Variants in ABL2 observed in about 807,000 individuals in gnomAD.
The protein encoded by ABL2 is tyrosine-protein kinase ABL2.
ABL2 carries 49 observed loss-of-function variants against 107.7 expected under a neutral mutation model. The observed-to-expected ratio is 0.45, with a 90% CI of 0.36 to 0.58. ABL2 has a LOEUF of 0.58. ABL2 is among the 20% of genes least tolerant of loss of function. The pLI, the probability that ABL2 is intolerant of heterozygous loss-of-function variation, is 0.00. For missense variants in ABL2, 1,245 were observed against 1,457.0 expected, an observed-to-expected ratio of 0.85 and a Z score of 2.37; for synonymous variants, 549 against 548.6, an observed-to-expected ratio of 1.00 and a Z score of -0.01.
intron 1 of ABL2, among the ~76,000 whole-genome samples, chr1:179,158,782 T>C (rs1658865975): frequency 1.3e-5 from 2 of 152,246 alleles, no homozygotes; most frequent in African/African-American, 4.8e-5. Context: ...AAGATTATTT[T>C]ACTATACCAA....
At position 179,149,821 on chromosome 1, in the gene ABL2, T is replaced by C. The variant is rs192213766; in HGVS notation, c.158-16447A>G. On this transcript the variant is annotated intron_variant, in intron 1 of 11. Transcript: ENST00000502732. ...TTCCTTTCCAAATATTACTGCTCAT[T>C]GATAATGCACTTGGTCACTTGGTAC... Among the ~76,000 whole-genome samples the C allele has an allele frequency of 3.0e-3, 461 of 152,344 alleles. 2 individuals are homozygous for C. The highest frequency in any genetic ancestry group is 2.4e-3 in the Non-Finnish European group (163 of 68,030).
At chr1:179,166,603 C>T (rs986586850) in intron 1 of ABL2, among the ~76,000 whole-genome samples, 1 of 151,602 alleles carries the variant, frequency 6.6e-6, no homozygotes, top group Non-Finnish European at 1.5e-5. Context: ...ATGGTGAAAC[C>T]CCGTCTCTAC....
At chr1:179,143,035 C>T (rs759052332) in intron 1 of ABL2, 1 of 1,614,114 alleles carries the variant, frequency 6.2e-7, no homozygotes, top group Non-Finnish European at 8.5e-7. Context: ...AGAACTGTCC[C>T]AAGGACCATA....
intron 1 of ABL2, among the ~76,000 whole-genome samples, chr1:179,189,173 T>G (rs375537374): frequency 6.6e-6 from 1 of 152,354 alleles, no homozygotes; most frequent in African/African-American, 2.4e-5. Context: ...TTCACTCTTG[T>G]TGCCCAGGCT....
chr1:179,110,477 C>A (rs529609021), intron 10 of ABL2, 22 bp from the exon 11 acceptor site: 1 of 1,580,064 alleles, frequency 6.3e-7, no homozygotes, highest in East Asian at 2.2e-5. Context: ...ACAAGGGGAC[C>A]AATAAAAAGA....
chr1:179,197,727 G>C (rs933027746), intron 1 of ABL2, among the ~76,000 whole-genome samples: 1 of 151,984 alleles, frequency 6.6e-6, no homozygotes, highest in Non-Finnish European at 1.5e-5. Flanking sequence ...AAATTAACCA[G>C]GCGTGGTGGC....
intron 1 of ABL2, among the ~76,000 whole-genome samples, chr1:179,173,006 A>G (rs1659815134): frequency 6.6e-6 from 1 of 152,160 alleles, no homozygotes; most frequent in Admixed American, 6.6e-5. Context: ...CCTGGCCAAT[A>G]TGTCAAAACA....
rs1214994734 is a variant in ABL2, at chr1:179,229,366, G to C, written c.32C>G (p.Ala11Gly). The C allele has an allele frequency of 6.4e-7, 1 of 1,572,344 alleles. No homozygotes were observed. The highest frequency in any genetic ancestry group is 8.6e-7 in the Non-Finnish European group (1 of 1,164,230). MGQQVGRVGE[A>G]PGLQQPQPRG... is the part of the protein sequence containing the mutation. ...GGGCTGAGGCTGCTGGAGCCCCGGA[G>C]CTTCCCCGACGCGGCCCACCTGCTG... is the stretch of plus-strand genomic sequence containing the variant. The change falls in exon 1 of 12, where the codon GCT becomes GGT. Residue 11 changes from alanine (A) to glycine (G), a missense_variant. Physicochemically the swap from Ala to Gly is moderately conservative, Grantham distance 60. Around this residue, in one of 3 missense-constraint regions of ABL2, gnomAD observed 164 missense variants for 143.7 expected, o/e 1.14. Transcript: ENST00000502732.
chr1:179,154,986 GA>G (rs1247033650), intron 1 of ABL2, among the ~76,000 whole-genome samples: 1 of 152,128 alleles, frequency 6.6e-6, no homozygotes, highest in Non-Finnish European at 1.5e-5. Context: ...CTACAGCCCT[GA>G]AAGACAGGCA....
chr1:179,120,418 A>C (rs1172282567), intron 5 of ABL2, 144 bp from the exon 6 acceptor site: 1 of 413,068 alleles, frequency 2.4e-6, no homozygotes, highest in Non-Finnish European at 4.2e-6. Context: ...TACAAGATAT[A>C]ATTATTATTT....
At chr1:179,119,954 G>C (rs1655023129) in intron 6 of ABL2, among the ~76,000 whole-genome samples, 1 of 152,036 alleles carries the variant, frequency 6.6e-6, no homozygotes, top group African/African-American at 2.4e-5. Context: ...CTTCCACCAT[G>C]GTGACTAAAA....
Position 179,101,990 on chromosome 1 carries a change from GA to G in ABL2, c.*5727del, listed in dbSNP as rs1557895953. ...GAAAAAAAAAGCAAGCTTTGCATTA[GA>G]ATTTCTTTTTTTTTTTTTTTTTTTT... On this transcript the variant is annotated 3_prime_UTR_variant, in exon 12 of 12. Coordinates refer to ENST00000502732, the MANE Select transcript of ABL2 (RefSeq NM_007314.4). 9.9e-6 allele frequency: 1 copy of G among 100,898 alleles called. No homozygotes were observed. Among genetic ancestry groups the G allele is most frequent in the Non-Finnish European group, 2.1e-5 (1 of 48,126 alleles). 6.3% of individuals were successfully genotyped at this position (100,898 alleles called of 1,614,324 possible). A position where few individuals can be genotyped will look rare whatever the true frequency, so the allele number is the denominator to read the frequency against.
At chr1:179,131,557 C>G in intron 2 of ABL2, 76 bp from the exon 3 acceptor site, 2 of 1,451,740 alleles carry the variant, frequency 1.4e-6, no homozygotes, top group South Asian at 2.4e-5. Flanking sequence ...ATTATATACA[C>G]AGTATTTCAG....
intron 1 of ABL2, among the ~76,000 whole-genome samples, chr1:179,202,175 C>G (rs747641983): frequency 6.6e-6 from 1 of 151,870 alleles, no homozygotes; most frequent in Non-Finnish European, 1.5e-5. Flanking sequence ...GTCTTCTATA[C>G]TGTAACAGAA....
chr1:179,129,590 C>G (rs1038029411), intron 3 of ABL2, among the ~76,000 whole-genome samples: 9 of 150,278 alleles, frequency 6.0e-5, no homozygotes, highest in South Asian at 2.1e-4. Context: ...GCTGAGGCAG[C>G]AGAATCGCTT....
intron 1 of ABL2, among the ~76,000 whole-genome samples, chr1:179,195,009 C>T (rs570190881): frequency 6.6e-6 from 1 of 152,202 alleles, no homozygotes; most frequent in South Asian, 2.1e-4. Context: ...AATGAGAGGC[C>T]AGGCATGGTG....
At chr1:179,216,447 T>C (rs1384196353) in intron 1 of ABL2, among the ~76,000 whole-genome samples, 1 of 152,218 alleles carries the variant, frequency 6.6e-6, no homozygotes, top group Non-Finnish European at 1.5e-5. Flanking sequence ...CATCTCTTTT[T>C]AGTTGTTTCG....
intron 10 of ABL2, chr1:179,110,810 A>T (rs971878016): frequency 1.2e-6 from 2 of 1,613,806 alleles, no homozygotes; most frequent in African/African-American, 2.7e-5. Flanking sequence ...TTGGTTCACA[A>T]TGTTATGCAC....
In ABL2 at chr1:179,102,799, G is replaced by T. The variant is rs1033303532; in HGVS notation, c.*4919C>A. 3 of 226,368 alleles carry T rather than the reference G, an allele frequency of 1.3e-5. No individual in the cohort carries two copies. Among genetic ancestry groups the T allele is most frequent in the Non-Finnish European group, 2.6e-5 (3 of 113,936 alleles). 14.0% of individuals were successfully genotyped at this position (226,368 alleles called of 1,614,324 possible). A position where few individuals can be genotyped will look rare whatever the true frequency, so the allele number is the denominator to read the frequency against. The stretch of plus-strand genomic sequence containing the variant: ...GGCCACCAAGGCAATTTACTTTTGA[G>T]TATTTTATAATAGGTGAATTAAATT... On this transcript the variant is annotated 3_prime_UTR_variant, in exon 12 of 12. Coordinates refer to ENST00000502732, the MANE Select transcript of ABL2 (RefSeq NM_007314.4).
Sources: allele counts gnomAD v4.1 joint callset (sites outside exome capture counted in the v4.1 genomes callset), GRCh38; gene constraint gnomAD v4.1.1; regional missense constraint gnomAD v4.1.1; transcripts MANE v1.5; gene names NCBI Gene and HGNC (gene_info 2026-07-23, HGNC 2026-07-21).